ZNF33A: variants seen among roughly 807,000 people sequenced by gnomAD.
ZNF33A encodes brain my041 protein.
A neutral mutation model predicts 15.9 loss-of-function variants in ZNF33A; 9 were observed. The observed-to-expected ratio is 0.57, with a 90% confidence interval of 0.34 to 0.99. ZNF33A has a LOEUF of 0.99. Among genes scored for constraint, ZNF33A ranks in the 50% least tolerant of loss-of-function variants. The probability of loss-of-function intolerance (pLI) is 0.02; values close to 1 mark genes in which losing one functional copy is unlikely to be tolerated. For synonymous variants in ZNF33A, 294 were observed against 324.2 expected (o/e 0.91, Z 1.00); for missense variants, 843 against 941.6 (o/e 0.90, Z 1.37).
At chr10:38,043,238 T>G (rs181662147) in intron 4 of ZNF33A, among the ~76,000 whole-genome samples, 2 of 151,192 alleles carry the variant, frequency 1.3e-5, no homozygotes, top group African/African-American at 2.4e-5. Flanking sequence ...CTCAGCAAAC[T>G]GTCACAATAC....
downstream of ZNF33A, among the ~76,000 whole-genome samples, chr10:38,062,128 C>G (rs2066661700): frequency 6.6e-6 from 1 of 152,122 alleles, no homozygotes; most frequent in Admixed American, 6.5e-5. Flanking sequence ...TGCCCCTCCC[C>G]TTTCTGACAT....
rs779773450 is a variant in ZNF33A at position 38,054,449 on chromosome 10, A to C, written c.325A>C (p.Ile109Leu). The change falls in exon 5 of 5, where the codon ATC becomes CTC. Residue 109 changes from isoleucine (I) to leucine (L), a missense_variant. Transcript: ENST00000432900. ...QSKHLWEVVF[I>L]NNEMLTKEQG... Reference sequence around the variant, plus strand: ...TAAACATTTGTGGGAAGTTGTATTCATCAATAATGAAATGCTGACTAAGGA... The same window carrying C: ...TAAACATTTGTGGGAAGTTGTATTCCTCAATAATGAAATGCTGACTAAGGA... 2 of 1,609,766 alleles carry C rather than the reference A, an allele frequency of 1.2e-6. No homozygotes were observed. Among genetic ancestry groups the C allele is most frequent in the East Asian group, 4.5e-5 (2 of 44,846 alleles).
chr10:38,054,868 T>A lies in ZNF33A; in HGVS notation c.744T>A (p.Asp248Glu), dbSNP rs745452714. 6.2e-7 allele frequency: 1 copy of A among 1,613,618 alleles called. No homozygotes were observed. The highest frequency in any genetic ancestry group is 8.5e-7 in the Non-Finnish European group (1 of 1,179,984). The change falls in exon 5 of 5, where the codon GAT becomes GAA. Residue 248 changes from aspartate to glutamate, a missense_variant. Physicochemically the swap from Asp to Glu is conservative, Grantham distance 45 (BLOSUM62 2). Coordinates refer to ENST00000432900, the MANE Select transcript of ZNF33A (RefSeq NM_006954.2). ...AGAACGCAGAAGAGAATAACTGTGA[T>A]TATAATGAATTTGGGAGAACTTTGT... is the stretch of plus-strand genomic sequence containing the variant. ...KRENAEENNC[D>E]YNEFGRTLCD...
At chr10:38,053,525 T>G (rs2066308984) in intron 4 of ZNF33A, among the ~76,000 whole-genome samples, 1 of 152,190 alleles carries the variant, frequency 6.6e-6, no homozygotes, top group Admixed American at 6.5e-5. Context: ...ACAGTCACAC[T>G]GGAGGTTGGG....
intron 4 of ZNF33A, among the ~76,000 whole-genome samples, chr10:38,043,024 T>C (rs1171611201): frequency 1.3e-5 from 2 of 152,236 alleles, no homozygotes; most frequent in African/African-American, 4.8e-5. Context: ...ATTGTGGATT[T>C]GAACTAGTGT....
In ZNF33A at chr10:38,054,418, C is replaced by T; in HGVS notation, c.294C>T (p.Asn98=). The change falls in exon 5 of 5, where the codon AAC becomes AAT. Residue 98 remains asparagine (N), a synonymous_variant. Transcript: ENST00000432900. The stretch of plus-strand genomic sequence containing the variant: ...ACCTGAAAGAGAGGAGCCAAGAAAA[C>T]CAATCTAAACATTTGTGGGAAGTTG... ...ADHLKERSQE[N]QSKHLWEVVF... 1 of 1,593,348 alleles carries T rather than the reference C, an allele frequency of 6.3e-7. No individual in the cohort carries two copies.
chr10:38,014,648 T>C (rs1410405277), intron 2 of ZNF33A, among the ~76,000 whole-genome samples: 1 of 152,214 alleles, frequency 6.6e-6, no homozygotes, highest in Non-Finnish European at 1.5e-5. Flanking sequence ...ATCAATTATG[T>C]GTACATATAT....
At chr10:38,017,505 T>C in intron 4 of ZNF33A, 119 bp downstream of exon 4, 2 of 664,788 alleles carry the variant, frequency 3.0e-6, no homozygotes, top group Non-Finnish European at 5.2e-6. Flanking sequence ...GATCCTAACC[T>C]CTGGAAGTGA....
intron 4 of ZNF33A, among the ~76,000 whole-genome samples, chr10:38,032,109 A>G (rs908284823): frequency 6.6e-6 from 1 of 152,158 alleles, no homozygotes; most frequent in Non-Finnish European, 1.5e-5. Context: ...TCTACTGTCC[A>G]TTACACAGAC....
intron 4 of ZNF33A, among the ~76,000 whole-genome samples, chr10:38,029,074 T>TA (rs1270742546): frequency 1.3e-5 from 2 of 152,242 alleles, no homozygotes; most frequent in African/African-American, 4.8e-5. Flanking sequence ...CCGCAGGAAG[T>TA]AAAAAAATGG....
intron 4 of ZNF33A, among the ~76,000 whole-genome samples, chr10:38,050,577 A>G (rs2066157646): frequency 6.6e-6 from 1 of 152,214 alleles, no homozygotes; most frequent in Non-Finnish European, 1.5e-5. Context: ...GCACTGCCCT[A>G]CTAAGCTGTT....
At position 38,056,003 on chromosome 10, in the gene ZNF33A, C is replaced by T. The variant is rs1424013130; in HGVS notation, c.1879C>T (p.His627Tyr). ...CTACCAGAAGTCACAACTCACTCAG[C>T]ATCAGAGAATTCACATAGGGGAGAA... is the stretch of plus-strand genomic sequence containing the variant. ...AFYQKSQLTQ[H>Y]QRIHIGEKPY... Residue 627 changes from histidine to tyrosine, a missense_variant, in exon 5 of 5, where the codon CAT becomes TAT. Physicochemically the swap from His to Tyr is moderately conservative, Grantham distance 83. Coordinates refer to ENST00000432900, the MANE Select transcript of ZNF33A (RefSeq NM_006954.2). 1.2e-6 allele frequency: 2 copies of T among 1,613,840 alleles called. No homozygotes were observed. Among genetic ancestry groups the T allele is most frequent in the Non-Finnish European group, 1.7e-6 (2 of 1,179,950 alleles).
intron 4 of ZNF33A, among the ~76,000 whole-genome samples, chr10:38,024,042 C>T (rs1467043655): frequency 6.6e-6 from 1 of 151,384 alleles, no homozygotes; most frequent in Admixed American, 6.6e-5. Flanking sequence ...CCTGTAATCC[C>T]AGCTACGTGG....
At chr10:38,051,591 A>G (rs2066206711) in intron 4 of ZNF33A, among the ~76,000 whole-genome samples, 1 of 152,148 alleles carries the variant, frequency 6.6e-6, no homozygotes, top group African/African-American at 2.4e-5. Flanking sequence ...ATCAATCAAG[A>G]TATCATATTA....
chr10:38,031,569 CAAAAAAAAAAAAGAAAAGA>C (rs1417639116), intron 4 of ZNF33A, among the ~76,000 whole-genome samples: 10 of 70,974 alleles, frequency 1.4e-4, no homozygotes, highest in South Asian at 5.1e-4. Flanking sequence ...GACCTTGCCT[CAAAAAAAAAAAAGAAAAGA>C]AAAAAAAAAA....
intron 4 of ZNF33A, among the ~76,000 whole-genome samples, chr10:38,045,057 T>C (rs1366411841): frequency 6.6e-6 from 1 of 152,334 alleles, no homozygotes; most frequent in East Asian, 1.9e-4. Context: ...TCGTTTTTCC[T>C]GTATGTAGGT....
At chr10:38,048,880 T>C (rs1564869182) in intron 4 of ZNF33A, among the ~76,000 whole-genome samples, 1 of 152,144 alleles carries the variant, frequency 6.6e-6, no homozygotes, top group Non-Finnish European at 1.5e-5. Flanking sequence ...AGCAAAGATA[T>C]AATAGACTTA....
At chr10:38,013,647 C>G (rs1450996550) in intron 2 of ZNF33A, among the ~76,000 whole-genome samples, 6 of 151,970 alleles carry the variant, frequency 3.9e-5, no homozygotes, top group Non-Finnish European at 8.8e-5. Context: ...TTAGTAGAGA[C>G]GGGGTTTCAC....
chr10:38,061,009 CTG>C (rs1334369431), downstream of ZNF33A, among the ~76,000 whole-genome samples: 1 of 152,192 alleles, frequency 6.6e-6, no homozygotes, highest in Non-Finnish European at 1.5e-5. Context: ...AGTGACCACA[CTG>C]TACAGCACTT....
Sources: allele counts gnomAD v4.1 joint callset (sites outside exome capture counted in the v4.1 genomes callset), GRCh38; gene constraint gnomAD v4.1.1; transcripts MANE v1.5; gene names NCBI Gene and HGNC (gene_info 2026-07-23, HGNC 2026-07-21).